KIF1A: variants seen among roughly 807,000 people sequenced by gnomAD.
KIF1A encodes kinesin-like protein KIF1A.
In KIF1A, 46 loss-of-function variants were observed where a neutral mutation model predicts 227.3. The ratio of observed to expected loss-of-function variants is 0.20; its 90% CI spans 0.16 to 0.26. The LOEUF (loss-of-function observed/expected upper bound fraction) is 0.26. Among genes scored for constraint, KIF1A ranks in the 10% least tolerant of loss-of-function variants. The pLI is 1.00. For synonymous variants in KIF1A, 1,022 were observed against 1,012.8 expected (o/e 1.01, Z -0.17); for missense variants, 1,683 against 2,485.9 (o/e 0.68, Z 6.87).
rs376804730 is a variant in KIF1A at position 240,789,078 on chromosome 2, C to T, written c.183+158G>A. Among the ~76,000 whole-genome samples the T allele has an allele frequency of 7.6e-4, 115 of 152,220 alleles. No homozygotes were observed. Among genetic ancestry groups the T allele is most frequent in the African/African-American group, 2.5e-3 (104 of 41,458 alleles). On this transcript the variant is annotated intron_variant, in intron 3 of 48. Coordinates refer to ENST00000498729, the MANE Select transcript of KIF1A (RefSeq NM_001244008.2). The surrounding 1 kb of genome is among the most constrained non-coding windows in gnomAD (Gnocchi z 4.8). ...TTCCTGCAGCCTCCATCACTGCCTT[C>T]GCTGAGGACCGCTCAGGGTGACCTT... is the stretch of plus-strand genomic sequence containing the variant.
chr2:240,745,567 GACCTTACCAGGTGGA>G (rs1383495541), intron 31 of KIF1A, 50 bp from the exon 32 acceptor site: 6 of 1,536,180 alleles, frequency 3.9e-6, no homozygotes, highest in Non-Finnish European at 5.3e-6. Flanking sequence ...CTTGGGATGA[GACCTTACCAGGTGGA>G]ACCCACCTCA....
At position 240,717,256 on chromosome 2, in the gene KIF1A, G is replaced by T. The variant is rs1061113; in HGVS notation, c.*108C>A. ...TGGGCGTCCCCTGGGGGGTCGACCC[G>T]GTCGTGGGCTGTCTGGCAGGAGAGG... is the stretch of plus-strand genomic sequence containing the variant. On this transcript the variant is annotated 3_prime_UTR_variant, in exon 49 of 49. Coordinates refer to ENST00000498729, the MANE Select transcript of KIF1A (RefSeq NM_001244008.2). 5.4e-6 allele frequency: 6 copies of T among 1,118,534 alleles called. No individual in the cohort carries two copies. Among genetic ancestry groups the T allele is most frequent in the Non-Finnish European group, 7.9e-6 (6 of 757,202 alleles). The allele number at this position is 1,118,534 out of a possible 1,614,324, so 69.3% of individuals were successfully genotyped here.
chr2:240,737,319 C>T (rs1018835643), intron 37 of KIF1A, 151 bp from the exon 38 acceptor site: 10 of 631,430 alleles, frequency 1.6e-5, no homozygotes, highest in Non-Finnish European at 2.6e-5. Context: ...AACAGGGAGG[C>T]CCTACAGGGT....
At chr2:240,784,397 C>T (rs1263491077) in intron 7 of KIF1A, among the ~76,000 whole-genome samples, 2 of 149,942 alleles carry the variant, frequency 1.3e-5, no homozygotes, top group Non-Finnish European at 2.9e-5. Flanking sequence ...CCAGTGAGGG[C>T]AGCGGGGCAG....
Position 240,790,121 on chromosome 2 carries a change from C to T in KIF1A, c.107-809G>A, listed in dbSNP as rs1245382821. On this transcript the variant is annotated intron_variant, in intron 2 of 48. Coordinates refer to ENST00000498729, the MANE Select transcript of KIF1A (RefSeq NM_001244008.2). The surrounding 1 kb of genome is among the most constrained non-coding windows in gnomAD (Gnocchi z 5.0). ...ATCCTTGCCCCCAGCATTTCCCAGG[C>T]CCTGGACGGGCCTGGACCCTGCAGA... 1.3e-5 allele frequency among the ~76,000 whole-genome samples: 2 copies of T among 152,160 alleles called. No homozygotes were observed. The highest frequency in any genetic ancestry group is 2.9e-5 in the Non-Finnish European group (2 of 68,028).
intron 14 of KIF1A, chr2:240,771,320 C>T (rs2051949253): frequency 1.5e-6 from 1 of 650,524 alleles, no homozygotes; most frequent in African/African-American, 1.8e-5. Flanking sequence ...CTGCCAGGCC[C>T]AGGACAAGCG....
In KIF1A at chr2:240,758,531, G is replaced by A. The variant is rs757716242; in HGVS notation, c.2445-34C>T. The stretch of plus-strand genomic sequence containing the variant: ...ACGGCAGGGGTCAATGTGGACCCAG[G>A]CCCAGCGCTCAGCAGCTGGCACCGC... On this transcript the variant is annotated intron_variant, in intron 25 of 48. Coordinates refer to ENST00000498729, the MANE Select transcript of KIF1A (RefSeq NM_001244008.2). The surrounding 1 kb of genome is among the most constrained non-coding windows in gnomAD (Gnocchi z 5.2). The A allele has an allele frequency of 5.9e-6, 9 of 1,519,894 alleles. No homozygotes were observed. The highest frequency in any genetic ancestry group is 8.0e-6 in the Non-Finnish European group (9 of 1,131,398). 94.2% of individuals were successfully genotyped at this position (1,519,894 alleles called of 1,614,324 possible).
intron 38 of KIF1A, among the ~76,000 whole-genome samples, chr2:240,733,584 C>G (rs1323922338): frequency 6.6e-6 from 1 of 152,206 alleles, no homozygotes; most frequent in African/African-American, 2.4e-5. Context: ...GGCCCGGCCA[C>G]CCCTGGGCAG....
At chr2:240,741,672 C>T (rs1275465828) in intron 34 of KIF1A, among the ~76,000 whole-genome samples, 1 of 152,222 alleles carries the variant, frequency 6.6e-6, no homozygotes, top group Non-Finnish European at 1.5e-5. Flanking sequence ...GGTCAAGACC[C>T]CAAGAACCAA....
Position 240,757,432 on chromosome 2 carries a change from C to CTCCTCA in KIF1A, c.2744_2745insTGAGGA (p.Glu914_Glu915insAspGlu), listed in dbSNP as rs1380315594. 6.6e-7 allele frequency: 1 copy of CTCCTCA among 1,505,528 alleles called. No homozygotes were observed. 93.3% of individuals were successfully genotyped at this position (1,505,528 alleles called of 1,614,324 possible). A position where few individuals can be genotyped will look rare whatever the true frequency, so the allele number is the denominator to read the frequency against. ...GGTCCTCCTCCTCCTCATCCTCCTCCTCCTCCTCCTCCTCCTCCTCCTCCC... is the reference window on the plus strand; with the variant it reads ...GGTCCTCCTCCTCCTCATCCTCCTCCTCCTCATCCTCCTCCTCCTCCTCCTCCTCCC... On this transcript the variant is annotated inframe_insertion, in exon 27 of 49. Transcript: ENST00000498729. The surrounding 1 kb of genome is among the most constrained non-coding windows in gnomAD (Gnocchi z 6.2).
rs747005832 is a variant in KIF1A, at chr2:240,717,332, G to A, written c.*32C>T. ...ACGAGGATGAGGGAGGGGATGGGCTGGGCCTGCCGGCTGTCACGGGAGGGC... is the reference window on the plus strand; with the variant it reads ...ACGAGGATGAGGGAGGGGATGGGCTAGGCCTGCCGGCTGTCACGGGAGGGC... On this transcript the variant is annotated 3_prime_UTR_variant, in exon 49 of 49. Transcript: ENST00000498729. 8 of 1,601,564 alleles carry A rather than the reference G, an allele frequency of 5.0e-6. No homozygotes were observed. The East Asian group carries it at 1.3e-4, about 27-fold the overall frequency.
rs2053113827 is a variant in KIF1A, at chr2:240,778,696, G to T, written c.883-2770C>A. ...ACGCGGCGCCCAGCAGGTCCCCGCA[G>T]CTTCCCATCCAGCTCCTCACACTCC... On this transcript the variant is annotated intron_variant, in intron 10 of 48. Coordinates refer to ENST00000498729, the MANE Select transcript of KIF1A (RefSeq NM_001244008.2). This position sits in a 1 kb window ranked among gnomAD's most constrained non-coding sequence, Gnocchi z 7.2. Among the ~76,000 whole-genome samples the T allele has an allele frequency of 6.7e-6, 1 of 148,840 alleles. No individual in the cohort carries two copies. The highest frequency in any genetic ancestry group is 2.2e-4 in the South Asian group (1 of 4,620).
Position 240,769,148 on chromosome 2 carries a change from T to C in KIF1A, c.1482A>G (p.Val494=). The change falls in exon 17 of 49, where the codon GTA becomes GTG. Residue 494 remains valine, a synonymous_variant. Transcript: ENST00000498729. ...AMREDGGTLG[V]FSPKKTPHLV... is the part of the protein sequence containing the mutation. ...TAGCTCCTACCTTTTTGGGAGAGAATACGCCCAAGGTGCCGCCATCCTCCC... is the reference window on the plus strand; with the variant it reads ...TAGCTCCTACCTTTTTGGGAGAGAACACGCCCAAGGTGCCGCCATCCTCCC... 6.2e-7 allele frequency: 1 copy of C among 1,610,506 alleles called. No individual in the cohort carries two copies. Among genetic ancestry groups the C allele is most frequent in the Non-Finnish European group, 8.5e-7 (1 of 1,178,750 alleles).
chr2:240,739,997 G>C lies in KIF1A; in HGVS notation c.3901+61C>G. 1 of 1,340,676 alleles carries C rather than the reference G, an allele frequency of 7.5e-7. No homozygotes were observed. Among genetic ancestry groups the C allele is most frequent in the South Asian group, 1.3e-5 (1 of 79,516 alleles). The allele number at this position is 1,340,676 out of a possible 1,614,324, so 83.0% of individuals were successfully genotyped here. On this transcript the variant is annotated intron_variant, in intron 37 of 48. Transcript: ENST00000498729. The surrounding 1 kb of genome is among the most constrained non-coding windows in gnomAD (Gnocchi z 5.6). ...TTAGAACCCGGGTATCCAGCTCAGG[G>C]CCTGTACTCTTCCCACCAGCTCAGC... is the stretch of plus-strand genomic sequence containing the variant.
chr2:240,786,737 C>CA (rs2054882262), intron 5 of KIF1A, among the ~76,000 whole-genome samples: 9 of 138,370 alleles, frequency 6.5e-5, no homozygotes, highest in African/African-American at 9.6e-5. Flanking sequence ...TGGGGGCTGC[C>CA]TGCTGGGCCC....
At chr2:240,819,613 C>G (rs2058581387) in intron 1 of KIF1A, among the ~76,000 whole-genome samples, 1 of 151,902 alleles carries the variant, frequency 6.6e-6, no homozygotes. Context: ...CGCGCTCTCC[C>G]CTCGGGCCGA....
rs918382867 is a variant in KIF1A at position 240,792,950 on chromosome 2, C to T, written c.107-3638G>A. On this transcript the variant is annotated intron_variant, in intron 2 of 48. Coordinates refer to ENST00000498729, the MANE Select transcript of KIF1A (RefSeq NM_001244008.2). This position sits in a 1 kb window ranked among gnomAD's most constrained non-coding sequence, Gnocchi z 4.5. Reference sequence around the variant, plus strand: ...TGATTGGACTTCCGCCTCCAGACTGCGGAGAAGGGAACATATGCTGTTTAA... The same window carrying T: ...TGATTGGACTTCCGCCTCCAGACTGTGGAGAAGGGAACATATGCTGTTTAA... Among the ~76,000 whole-genome samples, 6 of 152,176 alleles carry T rather than the reference C, an allele frequency of 3.9e-5. No individual in the cohort carries two copies. Among genetic ancestry groups the T allele is most frequent in the Non-Finnish European group, 8.8e-5 (6 of 68,040 alleles).
chr2:240,807,923 T>C (rs1357075780), intron 1 of KIF1A, among the ~76,000 whole-genome samples: 1 of 152,160 alleles, frequency 6.6e-6, no homozygotes, highest in African/African-American at 2.4e-5. Flanking sequence ...CAATAGATAC[T>C]AAAAAAGCAT....
At chr2:240,743,392 C>A (rs909179094) in intron 33 of KIF1A, among the ~76,000 whole-genome samples, 5 of 152,232 alleles carry the variant, frequency 3.3e-5, no homozygotes, top group Non-Finnish European at 7.3e-5. Flanking sequence ...GTTCTCTCTG[C>A]ACTCGAGGTG....
Sources: gnomAD v4.1 joint callset for allele counts (sites outside exome capture counted in the v4.1 genomes callset) on GRCh38, gnomAD v4.1.1 for gene constraint, Gnocchi (gnomAD v3.1) non-coding constraint, MANE v1.5 for transcripts, NCBI Gene and HGNC (gene_info 2026-07-23, HGNC 2026-07-21) for gene names.